Variants in DNAJC8 observed in about 807,000 individuals in gnomAD.
DNAJC8 encodes the protein dnaJ homolog subfamily C member 8.
Under a neutral mutation model 43.2 loss-of-function variants are expected in DNAJC8, and 24 were observed. The observed-to-expected ratio is 0.56, with a 90% confidence interval of 0.40 to 0.78. The LOEUF is 0.78. Ranked by LOEUF, DNAJC8 falls within the 30% of genes least tolerant of loss-of-function variation. The pLI, the probability that DNAJC8 is intolerant of heterozygous loss-of-function variation, is 0.00. For missense variants in DNAJC8, 207 were observed against 299.4 expected (o/e 0.69, Z 2.28); for synonymous variants, 83 against 98.0 (o/e 0.85, Z 0.90).
At chr1:28,223,371 C>T (rs893295074) in intron 2 of DNAJC8, among the ~76,000 whole-genome samples, 1 of 152,170 alleles carries the variant, frequency 6.6e-6, no homozygotes. Flanking sequence ...AGGAAGAGAG[C>T]AGGCTCAGAA....
At chr1:28,221,971 G>A (rs547955846) in intron 2 of DNAJC8, among the ~76,000 whole-genome samples, 42 of 152,262 alleles carry the variant, frequency 2.8e-4, no homozygotes, top group African/African-American at 9.6e-4. Flanking sequence ...TGTACTAGAT[G>A]AAATAAGCCA....
intron 1 of DNAJC8, among the ~76,000 whole-genome samples, chr1:28,230,552 T>C (rs923427940): frequency 6.6e-6 from 1 of 152,226 alleles, no homozygotes; most frequent in East Asian, 1.9e-4. Context: ...ACCTTGTCTC[T>C]ATTTTTTAAA....
At position 28,206,947 on chromosome 1, in the gene DNAJC8, T is replaced by G. The variant is rs185920078; in HGVS notation, c.471+1395A>C. On this transcript the variant is annotated intron_variant, in intron 6 of 8. Coordinates refer to ENST00000263697, the MANE Select transcript of DNAJC8 (RefSeq NM_014280.3). ...ATCAAAGGGATAAAGGAGTCTGTAATGAATAGCTCAGTATATTTAAAAGCT... is the reference window on the plus strand; with the variant it reads ...ATCAAAGGGATAAAGGAGTCTGTAAGGAATAGCTCAGTATATTTAAAAGCT... 5.9e-5 allele frequency among the ~76,000 whole-genome samples: 9 copies of G among 152,286 alleles called. No homozygotes were observed. In the East Asian group the frequency reaches 1.7e-3, roughly 29 times the overall value.
At chr1:28,223,209 C>G (rs1047426148) in intron 2 of DNAJC8, among the ~76,000 whole-genome samples, 3 of 152,076 alleles carry the variant, frequency 2.0e-5, no homozygotes, top group Admixed American at 1.3e-4. Flanking sequence ...GTATGTGGAG[C>G]CAGACCCCGA....
chr1:28,210,715 C>A lies in DNAJC8; in HGVS notation c.238-78G>T, dbSNP rs1046429151. 1.1e-5 allele frequency: 13 copies of A among 1,189,758 alleles called. No individual in the cohort carries two copies. In the East Asian group the frequency reaches 2.9e-4, roughly 26 times the overall value. The allele number at this position is 1,189,758 out of a possible 1,614,324, so 73.7% of individuals were successfully genotyped here. ...CCAGCCTGCCCTGTCTCGTTACAACCAAAAGCTCTAAGGTCCTACGGCAAA... is the reference window on the plus strand; with the variant it reads ...CCAGCCTGCCCTGTCTCGTTACAACAAAAAGCTCTAAGGTCCTACGGCAAA... On this transcript the variant is annotated intron_variant, in intron 3 of 8. Coordinates refer to ENST00000263697, the MANE Select transcript of DNAJC8 (RefSeq NM_014280.3).
intron 2 of DNAJC8, 74 bp from the exon 3 acceptor site, chr1:28,215,070 T>C (rs1243255051): frequency 8.1e-7 from 1 of 1,239,000 alleles, no homozygotes. Flanking sequence ...TGCTCAGTAA[T>C]TATATATATT....
intron 3 of DNAJC8, among the ~76,000 whole-genome samples, chr1:28,211,615 GACA>G (rs151264074): frequency 0.022 from 3,405 of 152,196 alleles, 139 homozygotes; most frequent in African/African-American, 0.077. Context: ...TTCTGAAAAA[GACA>G]ACATTCTAAT....
intron 2 of DNAJC8, among the ~76,000 whole-genome samples, chr1:28,225,222 A>G (rs1572069939): frequency 6.6e-6 from 1 of 151,366 alleles, no homozygotes. Flanking sequence ...GATAGTTTAT[A>G]TTGTGGTTCA....
intron 1 of DNAJC8, chr1:28,230,349 TTC>T (rs1242274541): frequency 1.3e-5 from 2 of 152,214 alleles, no homozygotes; most frequent in South Asian, 4.1e-4. Flanking sequence ...AGGATTTTTT[TTC>T]TCTCTTGTTC....
chr1:28,201,091 G>T lies in DNAJC8; in HGVS notation c.*157C>A. The T allele has an allele frequency of 1.8e-6, 2 of 1,114,178 alleles. No individual in the cohort carries two copies. The highest frequency in any genetic ancestry group is 1.3e-6 in the Non-Finnish European group (1 of 788,954). 69.0% of individuals were successfully genotyped at this position (1,114,178 alleles called of 1,614,324 possible). A position where few individuals can be genotyped will look rare whatever the true frequency, so the allele number is the denominator to read the frequency against. ...AAGCCCCTCATTTCAATGTACAAAA[G>T]AATTACTCTGATCGATATTAAATCG... On this transcript the variant is annotated 3_prime_UTR_variant, in exon 9 of 9. Transcript: ENST00000263697.
intron 2 of DNAJC8, among the ~76,000 whole-genome samples, chr1:28,227,486 G>A (rs12121731): frequency 0.19 from 29,295 of 150,674 alleles, 3,984 homozygotes; most frequent in Non-Finnish European, 0.25. Context: ...TAGCACTATG[G>A]GAGCCCAAGG....
intron 1 of DNAJC8, among the ~76,000 whole-genome samples, chr1:28,232,659 TGCCCGCGC>T (rs1236195825): frequency 2.6e-5 from 4 of 152,184 alleles, no homozygotes; most frequent in African/African-American, 9.6e-5. Flanking sequence ...TGGGGCACTC[TGCCCGCGC>T]GCCCGCACTA....
Position 28,201,236 on chromosome 1 carries a change from G to A in DNAJC8, c.*12C>T. On this transcript the variant is annotated 3_prime_UTR_variant, in exon 9 of 9. Transcript: ENST00000263697. ...AGCAGGGGAAAGGTTCTGTGCCTGT[G>A]ACCTTGGGCGGTCACTCACGTTGCT... 1 of 1,611,874 alleles carries A rather than the reference G, an allele frequency of 6.2e-7. No homozygotes were observed. Among genetic ancestry groups the A allele is most frequent in the Non-Finnish European group, 8.5e-7 (1 of 1,179,852 alleles).
At chr1:28,208,549 C>T in intron 5 of DNAJC8, 136 bp from the exon 6 acceptor site, 1 of 417,384 alleles carries the variant, frequency 2.4e-6, no homozygotes. Context: ...AAAAAAGAGC[C>T]CCTCCCCTCC....
intron 2 of DNAJC8, among the ~76,000 whole-genome samples, chr1:28,220,174 A>G (rs1318260938): frequency 6.6e-6 from 1 of 152,226 alleles, no homozygotes. Flanking sequence ...CACACACTCC[A>G]AAAGTTATTT....
chr1:28,229,147 T>G, intron 1 of DNAJC8, 124 bp from the exon 2 acceptor site: 1 of 778,268 alleles, frequency 1.3e-6, no homozygotes, highest in Non-Finnish European at 2.0e-6. Flanking sequence ...TGCAAGACAT[T>G]TTGCTAAATG....
Position 28,201,208 on chromosome 1 carries a change from G to A in DNAJC8, c.*40C>T, listed in dbSNP as rs531182164. ...ATGAGTCCTTCGAAGCAGGAAGGGA[G>A]ATAGCAGGGGAAAGGTTCTGTGCCT... On this transcript the variant is annotated 3_prime_UTR_variant, in exon 9 of 9. Coordinates refer to ENST00000263697, the MANE Select transcript of DNAJC8 (RefSeq NM_014280.3). The A allele has an allele frequency of 1.2e-6, 2 of 1,610,610 alleles. No individual in the cohort carries two copies. Among genetic ancestry groups the A allele is most frequent in the East Asian group, 4.5e-5 (2 of 44,870 alleles).
Position 28,207,660 on chromosome 1 carries a change from T to A in DNAJC8, c.471+682A>T, listed in dbSNP as rs1384814112. 2.0e-5 allele frequency among the ~76,000 whole-genome samples: 3 copies of A among 147,418 alleles called. No individual in the cohort carries two copies. The East Asian group carries it at 7.0e-4, about 34-fold the overall frequency. ...GGTTTCACCATGTTGGCCCGGATGGTCTCGAACTCCTGATCTCATGATCCA... is the reference window on the plus strand; with the variant it reads ...GGTTTCACCATGTTGGCCCGGATGGACTCGAACTCCTGATCTCATGATCCA... On this transcript the variant is annotated intron_variant, in intron 6 of 8. Coordinates refer to ENST00000263697, the MANE Select transcript of DNAJC8 (RefSeq NM_014280.3).
intron 2 of DNAJC8, among the ~76,000 whole-genome samples, chr1:28,216,653 C>T (rs535888642): frequency 1.3e-5 from 2 of 151,610 alleles, no homozygotes; most frequent in African/African-American, 2.4e-5. Context: ...AAAAAAAAAA[C>T]CTAAAATAGC....
Sources: gnomAD v4.1 joint callset for allele counts (sites outside exome capture counted in the v4.1 genomes callset) on GRCh38, gnomAD v4.1.1 for gene constraint, MANE v1.5 for transcripts, NCBI Gene and HGNC (gene_info 2026-07-23, HGNC 2026-07-21) for gene names.